PATJ: variants seen among roughly 807,000 people sequenced by gnomAD.
PATJ encodes inaD-like protein.
PATJ carries 190 observed loss-of-function variants against 224.9 expected under a neutral mutation model. The observed-to-expected ratio is 0.84, with a 90% CI of 0.75 to 0.95. PATJ has a LOEUF of 0.95. Ranked by LOEUF, PATJ falls within the 40% of genes least tolerant of loss-of-function variation. The probability of loss-of-function intolerance (pLI) is 0.00; values close to 1 mark genes in which losing one functional copy is unlikely to be tolerated. For missense variants in PATJ, 2,121 were observed against 2,270.3 expected (o/e 0.93, Z 1.34); for synonymous variants, 769 against 820.3 (o/e 0.94, Z 1.07).
intron 7 of PATJ, among the ~76,000 whole-genome samples, chr1:61,781,399 A>G (rs1647296522): frequency 1.3e-5 from 2 of 152,142 alleles, no homozygotes; most frequent in South Asian, 2.1e-4. Context: ...GCTATAACCA[A>G]CTTATCTCCT....
chr1:61,957,861 C>A (rs960648528), intron 27 of PATJ, among the ~76,000 whole-genome samples: 1 of 152,158 alleles, frequency 6.6e-6, no homozygotes, highest in Non-Finnish European at 1.5e-5. Flanking sequence ...AAGGTCAGAT[C>A]TTACCTTATA....
At chr1:61,988,154 G>A (rs963260335) in intron 27 of PATJ, among the ~76,000 whole-genome samples, 4 of 152,012 alleles carry the variant, frequency 2.6e-5, no homozygotes, top group Non-Finnish European at 4.4e-5. Context: ...ACCCAAGATC[G>A]CACCACTGCA....
At chr1:61,963,769 C>T (rs2149435604) in intron 27 of PATJ, among the ~76,000 whole-genome samples, 1 of 152,140 alleles carries the variant, frequency 6.6e-6, no homozygotes, top group Admixed American at 6.5e-5. Flanking sequence ...AGAAATTTTG[C>T]ATATACATGA....
intron 4 of PATJ, among the ~76,000 whole-genome samples, chr1:61,767,723 C>G (rs1163109790): frequency 6.9e-6 from 1 of 144,774 alleles, no homozygotes; most frequent in Non-Finnish European, 1.5e-5. Context: ...GTTGCCCAGG[C>G]TGGAGTGCAG....
intron 4 of PATJ, among the ~76,000 whole-genome samples, chr1:61,768,924 G>A (rs976696406): frequency 8.6e-5 from 13 of 152,000 alleles, no homozygotes; most frequent in African/African-American, 1.2e-4. Flanking sequence ...AAATAAAAAT[G>A]TACTTTGCAT....
chr1:61,893,344 A>G (rs1445153009), intron 22 of PATJ, among the ~76,000 whole-genome samples: 1 of 152,248 alleles, frequency 6.6e-6, no homozygotes, highest in Non-Finnish European at 1.5e-5. Flanking sequence ...TATTCTAGAT[A>G]GAGTGGTTTC....
chr1:61,883,466 T>A (rs1668367545), intron 21 of PATJ, among the ~76,000 whole-genome samples: 1 of 152,156 alleles, frequency 6.6e-6, no homozygotes, highest in South Asian at 2.1e-4. Flanking sequence ...TGAACAAGTA[T>A]AGGCCAGGTG....
chr1:62,098,252 G>A (rs1045649146), intron 33 of PATJ, among the ~76,000 whole-genome samples: 8 of 151,764 alleles, frequency 5.3e-5, no homozygotes, highest in Admixed American at 2.0e-4. Flanking sequence ...CCAGCTACTC[G>A]GGAGGCTGAG....
At chr1:61,801,203 A>G (rs1652419756) in intron 11 of PATJ, among the ~76,000 whole-genome samples, 1 of 152,174 alleles carries the variant, frequency 6.6e-6, no homozygotes, top group Non-Finnish European at 1.5e-5. Context: ...CCAACAGTGT[A>G]AAAGTGTTCC....
intron 28 of PATJ, among the ~76,000 whole-genome samples, chr1:62,015,131 C>A (rs1432911309): frequency 6.6e-6 from 1 of 151,810 alleles, no homozygotes. Flanking sequence ...GAAACCCCAT[C>A]TCTACTAAAA....
At chr1:61,744,238 T>A (rs1378959850) in intron 1 of PATJ, among the ~76,000 whole-genome samples, 2 of 117,358 alleles carry the variant, frequency 1.7e-5, no homozygotes, top group Non-Finnish European at 3.2e-5. Context: ...GAGTGGTGTT[T>A]GCACCACTAC....
chr1:62,058,187 T>C (rs1441309749), intron 31 of PATJ, among the ~76,000 whole-genome samples: 4 of 152,144 alleles, frequency 2.6e-5, no homozygotes, highest in Non-Finnish European at 5.9e-5. Flanking sequence ...ATTTACAGGA[T>C]AGAAAGATGC....
At chr1:62,103,168 TGTACAA>T (rs1310975266) in intron 33 of PATJ, among the ~76,000 whole-genome samples, 1 of 152,218 alleles carries the variant, frequency 6.6e-6, no homozygotes, top group Non-Finnish European at 1.5e-5. Context: ...AGCTAGCTTT[TGTACAA>T]GTACAAAATC....
In PATJ at chr1:62,038,047, G is replaced by T; in HGVS notation, c.4030G>T (p.Glu1344Ter). The change falls in exon 30 of 44, where the codon GAG becomes TAG. Residue 1344 changes from glutamate (E) to a stop codon, truncating the protein, a stop_gained and splice_region_variant. Transcript: ENST00000642238. LOFTEE classifies it high-confidence loss of function. ...PVPSSSPSSI[E>*]DQSGTEPISS... ...GCCATCAAGTTCTCCATCTTCTATTGAGGTAAGGTTGTTTCTAATTAGCTC... is the reference window on the plus strand; with the variant it reads ...GCCATCAAGTTCTCCATCTTCTATTTAGGTAAGGTTGTTTCTAATTAGCTC... 1 of 1,585,856 alleles carries T rather than the reference G, an allele frequency of 6.3e-7. No individual in the cohort carries two copies. The highest frequency in any genetic ancestry group is 8.6e-7 in the Non-Finnish European group (1 of 1,160,724).
chr1:62,115,547 CTTGCAGTGAA>C (rs1664363183), intron 35 of PATJ, among the ~76,000 whole-genome samples: 1 of 150,600 alleles, frequency 6.6e-6, no homozygotes, highest in Non-Finnish European at 1.5e-5. Context: ...CTAAGTTTCT[CTTGCAGTGAA>C]TTGGAAAGGT....
chr1:62,129,005 T>C (rs2481665), intron 41 of PATJ, 60 bp downstream of exon 41: 420,440 of 1,155,564 alleles, frequency 0.36, 84,566 homozygotes, highest in Non-Finnish European at 0.42. Flanking sequence ...GCAAAAAAGA[T>C]TGAGCGTCAC....
chr1:61,879,667 A>G (rs1291644082), intron 21 of PATJ, among the ~76,000 whole-genome samples: 1 of 148,616 alleles, frequency 6.7e-6, no homozygotes, highest in Non-Finnish European at 1.5e-5. Context: ...TGCTTGGTAT[A>G]TTGCTAAGCA....
In PATJ at chr1:62,017,896, C is replaced by T. The variant is rs1646876208; in HGVS notation, c.3908C>T (p.Ala1303Val). The T allele has an allele frequency of 1.2e-6, 2 of 1,612,182 alleles. No homozygotes were observed. Among genetic ancestry groups the T allele is most frequent in the Admixed American group, 1.7e-5 (1 of 59,988 alleles). The change falls in exon 29 of 44, where the codon GCA becomes GTA. Residue 1303 changes from alanine (A) to valine (V), a missense_variant. Coordinates refer to ENST00000642238, the MANE Select transcript of PATJ (RefSeq NM_001350145.3). Reference sequence around the variant, plus strand: ...CTGTATGGAAGAAGTCACCAAAATGCATCTGCCATTATTAAGACTGCCCCA... The same window carrying T: ...CTGTATGGAAGAAGTCACCAAAATGTATCTGCCATTATTAAGACTGCCCCA... ...QILYGRSHQNASAIIKTAPSK... is the reference protein window; with the variant it reads ...QILYGRSHQNVSAIIKTAPSK...
In PATJ at chr1:61,891,855, A is replaced by C. The variant is rs2149110234; in HGVS notation, c.3131+7447A>C. ...ATATACACTCCAATGAAGATAAGGA[A>C]CATTTCCATCACCCAGAAAGTCCTC... On this transcript the variant is annotated intron_variant, in intron 22 of 43. Coordinates refer to ENST00000642238, the MANE Select transcript of PATJ (RefSeq NM_001350145.3). Among the ~76,000 whole-genome samples, 2 of 152,320 alleles carry C rather than the reference A, an allele frequency of 1.3e-5. 1 individual carries two copies. The highest frequency in any genetic ancestry group is 6.8e-3 in the Middle Eastern group (2 of 294).
Sources: gnomAD v4.1 joint callset for allele counts (sites outside exome capture counted in the v4.1 genomes callset) on GRCh38, gnomAD v4.1.1 for gene constraint, MANE v1.5 for transcripts, NCBI Gene and HGNC (gene_info 2026-07-23, HGNC 2026-07-21) for gene names.